PIK3R3: variants seen among roughly 807,000 people sequenced by gnomAD.
The protein encoded by PIK3R3 is phosphatidylinositol 3-kinase regulatory subunit gamma.
Under a neutral mutation model 62.9 loss-of-function variants are expected in PIK3R3, and 64 were observed. The observed-to-expected ratio is 1.02, with a 90% confidence interval of 0.83 to 1.25. The LOEUF (loss-of-function observed/expected upper bound fraction) is 1.25, where lower values mean the gene tolerates loss of function less well. Ranked by LOEUF, PIK3R3 falls within the 50% of genes most tolerant of loss-of-function variation. The pLI, the probability that PIK3R3 is intolerant of heterozygous loss-of-function variation, is 0.00. For missense variants in PIK3R3, 614 were observed against 561.6 expected, an observed-to-expected ratio of 1.09 and a Z score of -0.94; for synonymous variants, 165 against 189.0, an observed-to-expected ratio of 0.87 and a Z score of 1.04.
chr1:46,042,357 C>G lies in PIK3R3; in HGVS notation c.*1316G>C. 4.4e-6 allele frequency: 1 copy of G among 229,450 alleles called. No homozygotes were observed. Among genetic ancestry groups the G allele is most frequent in the Non-Finnish European group, 8.6e-6 (1 of 115,630 alleles). 14.2% of individuals were successfully genotyped at this position (229,450 alleles called of 1,614,324 possible). A position where few individuals can be genotyped will look rare whatever the true frequency, so the allele number is the denominator to read the frequency against. The stretch of plus-strand genomic sequence containing the variant: ...CAAAAAAAGGCAAAGAGAAAAGCTT[C>G]CAGATGGCTTCTACTAACAGTCTAA... On this transcript the variant is annotated 3_prime_UTR_variant, in exon 10 of 10. Transcript: ENST00000262741. The surrounding 1 kb of genome is among the most constrained non-coding windows in gnomAD (Gnocchi z 4.3).
chr1:46,107,776 G>C (rs74376298), intron 1 of PIK3R3, among the ~76,000 whole-genome samples: 11 of 152,178 alleles, frequency 7.2e-5, no homozygotes, highest in African/African-American at 2.7e-4. Flanking sequence ...CCACTATTTA[G>C]ATAATTCATA....
intron 1 of PIK3R3, 63 bp from the exon 2 acceptor site, chr1:46,080,813 G>A: frequency 9.1e-7 from 1 of 1,094,574 alleles, no homozygotes; most frequent in East Asian, 2.4e-5. Context: ...AATTTCCTCA[G>A]GAGCAGCTCA....
intron 1 of PIK3R3, among the ~76,000 whole-genome samples, chr1:46,098,609 A>G (rs1652365502): frequency 6.6e-6 from 1 of 152,270 alleles, no homozygotes; most frequent in African/African-American, 2.4e-5. Flanking sequence ...ATACCATGTC[A>G]TTCCATTTAC....
At chr1:46,048,264 G>C (rs1208154335) in intron 7 of PIK3R3, 1 of 152,122 alleles carries the variant, frequency 6.6e-6, no homozygotes, top group Non-Finnish European at 1.5e-5. Flanking sequence ...ACAACTCCAG[G>C]ATCATCCTGT....
chr1:46,084,935 A>G (rs1181636331), intron 1 of PIK3R3, among the ~76,000 whole-genome samples: 1 of 152,186 alleles, frequency 6.6e-6, no homozygotes, highest in East Asian at 1.9e-4. Flanking sequence ...ATCACCTTCA[A>G]ACGGTGTTAT....
chr1:46,148,705 C>T, the PIK3R3 span, among the ~76,000 whole-genome samples: 1 of 151,308 alleles, frequency 6.6e-6, no homozygotes, highest in African/African-American at 2.4e-5. Flanking sequence ...ATATTTACTA[C>T]TCTTGAAGAA....
chr1:46,058,146 C>T (rs1648115066), intron 6 of PIK3R3, among the ~76,000 whole-genome samples: 1 of 152,270 alleles, frequency 6.6e-6, no homozygotes. Flanking sequence ...TCAGATGGTA[C>T]AAGCCCCAAG....
intron 1 of PIK3R3, among the ~76,000 whole-genome samples, chr1:46,116,287 G>A (rs924692503): frequency 6.6e-6 from 1 of 151,920 alleles, no homozygotes; most frequent in Admixed American, 6.6e-5. Flanking sequence ...GAGGCAGGAG[G>A]ATCACTTGAG....
At chr1:46,113,229 C>T (rs185739208) in intron 1 of PIK3R3, among the ~76,000 whole-genome samples, 32 of 151,868 alleles carry the variant, frequency 2.1e-4, no homozygotes, top group Admixed American at 2.0e-3. Flanking sequence ...ATATAGCCTT[C>T]GGGGCCTTTC....
intron 1 of PIK3R3, among the ~76,000 whole-genome samples, chr1:46,111,049 C>T (rs534287033): frequency 1.7e-4 from 26 of 150,844 alleles, no homozygotes; most frequent in African/African-American, 6.1e-4. Context: ...CTGCCTCTAA[C>T]AAAATCTCTA....
intron 1 of PIK3R3, among the ~76,000 whole-genome samples, chr1:46,095,019 T>A (rs1294201693): frequency 1.3e-5 from 2 of 152,184 alleles, no homozygotes; most frequent in Admixed American, 6.5e-5. Context: ...ATACATTTTT[T>A]AAAAACTGTT....
At chr1:46,046,937 AT>A (rs1253646993) in intron 7 of PIK3R3, 3 of 393,884 alleles carry the variant, frequency 7.6e-6, no homozygotes, top group Non-Finnish European at 1.4e-5. Context: ...ACAGTGGGAC[AT>A]TTGTTTCTGA....
chr1:46,096,119 C>A (rs1571481048), intron 1 of PIK3R3, among the ~76,000 whole-genome samples: 1 of 152,180 alleles, frequency 6.6e-6, no homozygotes, highest in Admixed American at 6.5e-5. Context: ...GCTTCTCCAG[C>A]TGGAGTATAG....
chr1:46,136,139 AC>A (rs1655923560), upstream of PIK3R3, among the ~76,000 whole-genome samples: 1 of 146,508 alleles, frequency 6.8e-6, no homozygotes, highest in Admixed American at 6.9e-5. Flanking sequence ...TAGGGATTCT[AC>A]CAGCCTCAAT....
the PIK3R3 span, among the ~76,000 whole-genome samples, chr1:46,154,803 T>C: frequency 1.1e-4 from 16 of 152,138 alleles, no homozygotes; most frequent in South Asian, 3.3e-3. Context: ...TCCCTCTACC[T>C]AGAATGTTCT....
chr1:46,045,879 A>C (rs767500384), intron 9 of PIK3R3, 39 bp downstream of exon 9: 3 of 1,552,276 alleles, frequency 1.9e-6, no homozygotes, highest in Non-Finnish European at 2.7e-6. Flanking sequence ...TAATTGATGC[A>C]AAAGATTTCA....
chr1:46,093,098 C>A (rs1014892897), intron 1 of PIK3R3, among the ~76,000 whole-genome samples: 1 of 152,192 alleles, frequency 6.6e-6, no homozygotes, highest in Non-Finnish European at 1.5e-5. Flanking sequence ...TATTCTACCT[C>A]CCTGAACCAG....
chr1:46,061,353 T>C (rs1243183622), intron 6 of PIK3R3, among the ~76,000 whole-genome samples: 1 of 152,204 alleles, frequency 6.6e-6, no homozygotes, highest in Non-Finnish European at 1.5e-5. Context: ...AGGCCCTCAT[T>C]ATCGTTTAAC....
At chr1:46,161,984 T>A in the PIK3R3 span, among the ~76,000 whole-genome samples, 2 of 149,662 alleles carry the variant, frequency 1.3e-5, no homozygotes, top group African/African-American at 5.0e-5. Context: ...CCCAGCTGCT[T>A]GGGAGGCTGA....
Sources: gnomAD v4.1 joint callset for allele counts (sites outside exome capture counted in the v4.1 genomes callset) on GRCh38, gnomAD v4.1.1 for gene constraint, Gnocchi (gnomAD v3.1) non-coding constraint, MANE v1.5 for transcripts, NCBI Gene and HGNC (gene_info 2026-07-23, HGNC 2026-07-21) for gene names.